The following TENM2 variants were observed in gnomAD, a reference collection of about 807,000 sequenced individuals.
TENM2 encodes the protein teneurin-2.
TENM2 carries 52 observed loss-of-function variants against 245.2 expected under a neutral mutation model. The observed-to-expected ratio is 0.21, with a 90% CI of 0.17 to 0.27. TENM2 has a LOEUF of 0.27. Ranked by LOEUF, TENM2 falls within the 10% of genes least tolerant of loss-of-function variation. TENM2 has a pLI of 1.00. For synonymous variants in TENM2, 1,363 were observed against 1,438.9 expected, an observed-to-expected ratio of 0.95 and a Z score of 1.19; for missense variants, 3,046 against 3,666.8, an observed-to-expected ratio of 0.83 and a Z score of 4.37.
At chr5:167,561,742 G>A (rs1773604489) in intron 2 of TENM2, among the ~76,000 whole-genome samples, 1 of 152,118 alleles carries the variant, frequency 6.6e-6, no homozygotes, top group Admixed American at 6.5e-5. Flanking sequence ...ATTGTTAAGA[G>A]TAACTTTTTT....
At chr5:168,183,835 CAAAAAG>C (rs1016538069) in intron 13 of TENM2, among the ~76,000 whole-genome samples, 1 of 149,946 alleles carries the variant, frequency 6.7e-6, no homozygotes, top group Non-Finnish European at 1.5e-5. Context: ...CAAGAAGACT[CAAAAAG>C]AAAAAGAAAA....
chr5:167,493,231 T>A (rs1171462597), intron 2 of TENM2, among the ~76,000 whole-genome samples: 1 of 151,932 alleles, frequency 6.6e-6, no homozygotes, highest in Non-Finnish European at 1.5e-5. Context: ...TAAGCTATGA[T>A]CTTGCCACTG....
intron 2 of TENM2, among the ~76,000 whole-genome samples, chr5:167,698,727 C>G (rs550645128): frequency 1.4e-5 from 2 of 146,102 alleles, no homozygotes; most frequent in Non-Finnish European, 3.0e-5. Flanking sequence ...TCTTTTGCCC[C>G]GGCTAGAGTG....
the TENM2 span, among the ~76,000 whole-genome samples, chr5:167,068,115 G>A: frequency 6.6e-6 from 1 of 152,186 alleles, no homozygotes; most frequent in East Asian, 1.9e-4. Context: ...AGGAAGAGTT[G>A]TATTTTAGGC....
chr5:167,852,633 A>G (rs933000068), intron 2 of TENM2, among the ~76,000 whole-genome samples: 1 of 152,202 alleles, frequency 6.6e-6, no homozygotes, highest in African/African-American at 2.4e-5. Context: ...TCTTGGCTTA[A>G]TGGTAATTGG....
At chr5:168,065,013 A>G (rs919703141) in intron 7 of TENM2, among the ~76,000 whole-genome samples, 12 of 152,188 alleles carry the variant, frequency 7.9e-5, no homozygotes, top group African/African-American at 2.9e-4. Flanking sequence ...GTCTCGAACT[A>G]TTATAGAATT....
At chr5:167,991,689 C>T (rs1160529698) in intron 4 of TENM2, among the ~76,000 whole-genome samples, 1 of 152,158 alleles carries the variant, frequency 6.6e-6, no homozygotes, top group Non-Finnish European at 1.5e-5. Flanking sequence ...AACACGGACA[C>T]CTTATTCAAT....
chr5:167,445,369 A>AGAGAGAGAGAGAGAGAGAGAGGGAGAGT (rs35699708), intron 2 of TENM2, among the ~76,000 whole-genome samples: 1 of 98,578 alleles, frequency 1.0e-5, no homozygotes, highest in African/African-American at 5.1e-5. Flanking sequence ...AGAGAGAGAG[A>AGAGAGAGAGAGAGAGAGAGAGGGAGAGT]GTGTCAGGTG....
intron 2 of TENM2, among the ~76,000 whole-genome samples, chr5:167,592,578 TGTTTTACTTACACAAATG>T (rs1179656122): frequency 1.3e-5 from 2 of 152,220 alleles, no homozygotes; most frequent in East Asian, 1.9e-4. Context: ...ATTGTGAAGT[TGTTTTACTTACACAAATG>T]GTGCCTCCAA....
intron 2 of TENM2, among the ~76,000 whole-genome samples, chr5:167,873,755 C>A (rs921455258): frequency 1.3e-5 from 2 of 152,164 alleles, no homozygotes; most frequent in East Asian, 1.9e-4. Context: ...TCTGATCAAA[C>A]TCCATCGTGT....
chr5:166,984,308 A>G, the TENM2 span, among the ~76,000 whole-genome samples: 1 of 152,128 alleles, frequency 6.6e-6, no homozygotes, highest in Non-Finnish European at 1.5e-5. Context: ...TGAAGATGAA[A>G]TTGATACTAA....
At position 167,600,028 on chromosome 5, in the gene TENM2, C is replaced by A. The variant is rs571471861; in HGVS notation, c.502+224555C>A. 7.9e-5 allele frequency among the ~76,000 whole-genome samples: 10 copies of A among 127,138 alleles called. No homozygotes were observed. In the South Asian group the frequency reaches 2.5e-3, roughly 32 times the overall value. 83.4% of individuals were successfully genotyped at this position (127,138 alleles called of 152,430 possible). ...AGACGTGGTGGTGGGTACCTGTAAT[C>A]CCAGCTACTCGAGAGGCTGAGGCGG... On this transcript the variant is annotated intron_variant, in intron 2 of 28. Coordinates refer to ENST00000518659, the Ensembl canonical transcript of TENM2.
chr5:167,607,898 C>G (rs1486328895), intron 2 of TENM2, among the ~76,000 whole-genome samples: 2 of 152,134 alleles, frequency 1.3e-5, no homozygotes, highest in Non-Finnish European at 2.9e-5. Context: ...CCTACATAGC[C>G]CATTGCTTTT....
the TENM2 span, among the ~76,000 whole-genome samples, chr5:167,118,780 A>G: frequency 6.6e-6 from 1 of 152,174 alleles, no homozygotes; most frequent in South Asian, 2.1e-4. Flanking sequence ...TAGCAAGGGT[A>G]GTACGGAGTT....
intron 2 of TENM2, among the ~76,000 whole-genome samples, chr5:167,487,528 A>G (rs952006840): frequency 1.4e-4 from 21 of 152,134 alleles, no homozygotes; most frequent in African/African-American, 5.1e-4. Context: ...TGTTTAGTGT[A>G]TATGTGTATT....
Position 168,174,814 on chromosome 5 carries a change from G to T in TENM2, c.2569+12057G>T, listed in dbSNP as rs1759199569. Among the ~76,000 whole-genome samples, 3 of 152,206 alleles carry T rather than the reference G, an allele frequency of 2.0e-5. No homozygotes were observed. The South Asian group carries it at 6.2e-4, about 32-fold the overall frequency. Reference sequence around the variant, plus strand: ...GTTCACTGAGGTCCTTTCCACAGAAGCTTGTCATCCGGAGAGGAGTCAGGG... The same window carrying T: ...GTTCACTGAGGTCCTTTCCACAGAATCTTGTCATCCGGAGAGGAGTCAGGG... On this transcript the variant is annotated intron_variant, in intron 13 of 28. Transcript: ENST00000518659.
chr5:167,177,824 G>A, the TENM2 span, among the ~76,000 whole-genome samples: 5 of 152,178 alleles, frequency 3.3e-5, no homozygotes, highest in South Asian at 8.3e-4. Context: ...TGCCTGAATA[G>A]CGAAGTGAGC....
chr5:167,157,414 C>T, the TENM2 span, among the ~76,000 whole-genome samples: 4 of 152,246 alleles, frequency 2.6e-5, no homozygotes, highest in African/African-American at 9.6e-5. Flanking sequence ...AAATTTGACA[C>T]TTTCTAATTT....
intron 3 of TENM2, among the ~76,000 whole-genome samples, chr5:167,894,176 A>G (rs2151477457): frequency 6.6e-6 from 1 of 152,240 alleles, no homozygotes; most frequent in South Asian, 2.1e-4. Context: ...ATCAAAAATC[A>G]CAGATGATGG....
Sources: allele counts gnomAD v4.1 joint callset (sites outside exome capture counted in the v4.1 genomes callset), GRCh38; gene constraint gnomAD v4.1.1; transcripts MANE v1.5; gene names NCBI Gene and HGNC (gene_info 2026-07-23, HGNC 2026-07-21).